HLCS: variants seen among roughly 807,000 people sequenced by gnomAD.
The protein encoded by HLCS is biotin--protein ligase.
Under a neutral mutation model 75.0 loss-of-function variants are expected in HLCS, and 53 were observed. The observed-to-expected ratio is 0.71, with a 90% confidence interval of 0.57 to 0.89. The LOEUF is 0.89. Among genes scored for constraint, HLCS ranks in the 40% least tolerant of loss-of-function variants. HLCS has a pLI of 0.00. For missense variants in HLCS, 966 were observed against 1,074.0 expected, an observed-to-expected ratio of 0.90 and a Z score of 1.41; for synonymous variants, 431 against 428.6, an observed-to-expected ratio of 1.01 and a Z score of -0.07.
chr21:36,772,641 A>G (rs2060242926), intron 6 of HLCS, among the ~76,000 whole-genome samples: 1 of 147,760 alleles, frequency 6.8e-6, no homozygotes, highest in African/African-American at 2.5e-5. Flanking sequence ...ACTGTCTCAA[A>G]AAAAAAAAAA....
chr21:36,916,326 G>A (rs972258019), intron 5 of HLCS, among the ~76,000 whole-genome samples: 10 of 151,860 alleles, frequency 6.6e-5, no homozygotes, highest in African/African-American at 1.7e-4. Flanking sequence ...CATAGCATCC[G>A]GCTGTAAGAT....
At chr21:36,822,413 GA>G (rs1399926403) in intron 6 of HLCS, among the ~76,000 whole-genome samples, 10 of 152,006 alleles carry the variant, frequency 6.6e-5, no homozygotes, top group Non-Finnish European at 1.5e-4. Context: ...CTGGGTGACG[GA>G]GCAAGACTCT....
At chr21:36,782,621 T>C (rs2145842745) in intron 6 of HLCS, among the ~76,000 whole-genome samples, 1 of 152,060 alleles carries the variant, frequency 6.6e-6, no homozygotes, top group Non-Finnish European at 1.5e-5. Context: ...TAGGGAGCAT[T>C]ACCGAACAGC....
chr21:36,774,909 T>G (rs1267020184), intron 6 of HLCS, among the ~76,000 whole-genome samples: 1 of 152,242 alleles, frequency 6.6e-6, no homozygotes, highest in African/African-American at 2.4e-5. Flanking sequence ...ACAGTTTTAT[T>G]GATATATTCT....
chr21:36,948,717 A>C (rs2067525699), intron 2 of HLCS, among the ~76,000 whole-genome samples: 1 of 105,996 alleles, frequency 9.4e-6, no homozygotes, highest in African/African-American at 3.7e-5. Context: ...TGACAGAATG[A>C]GACCCTGTCT....
At chr21:36,870,029 C>G (rs2063716397) in intron 6 of HLCS, among the ~76,000 whole-genome samples, 2 of 152,188 alleles carry the variant, frequency 1.3e-5, no homozygotes. Context: ...TGCAAAGAAT[C>G]TGAGAAGTTG....
chr21:36,918,451 T>C (rs941177677), intron 5 of HLCS, among the ~76,000 whole-genome samples: 1 of 152,244 alleles, frequency 6.6e-6, no homozygotes, highest in Non-Finnish European at 1.5e-5. Context: ...AGGTGCACTC[T>C]GTCCTCAGCT....
intron 2 of HLCS, among the ~76,000 whole-genome samples, chr21:36,959,594 G>C (rs543171634): frequency 2.6e-5 from 4 of 152,160 alleles, no homozygotes; most frequent in African/African-American, 9.7e-5. Flanking sequence ...TGAGAACTTA[G>C]AGTGCTTTTT....
chr21:36,841,233 T>C (rs893426513), intron 6 of HLCS, among the ~76,000 whole-genome samples: 1 of 152,230 alleles, frequency 6.6e-6, no homozygotes, highest in African/African-American at 2.4e-5. Context: ...GGGTCAAATA[T>C]GTTAACCAAG....
chr21:36,941,465 T>C lies in HLCS; in HGVS notation c.331-2471A>G, dbSNP rs559780384. Reference sequence around the variant, plus strand: ...GACCAAGAGAACAGAGCTGACAGTATAGAAATAAACAGATTCATGGACAAC... The same window carrying C: ...GACCAAGAGAACAGAGCTGACAGTACAGAAATAAACAGATTCATGGACAAC... On this transcript the variant is annotated intron_variant, in intron 2 of 10. Coordinates refer to ENST00000674895, the MANE Select transcript of HLCS (RefSeq NM_001352514.2). 7.9e-5 allele frequency among the ~76,000 whole-genome samples: 12 copies of C among 152,320 alleles called. No individual in the cohort carries two copies. The South Asian group carries it at 1.9e-3, about 24-fold the overall frequency.
intron 8 of HLCS, among the ~76,000 whole-genome samples, chr21:36,762,804 C>T (rs1002744629): frequency 1.3e-5 from 2 of 152,234 alleles, no homozygotes; most frequent in Non-Finnish European, 2.9e-5. Context: ...CTTCCCACTT[C>T]CATCCTGGCC....
Position 36,930,321 on chromosome 21 carries a change from G to A in HLCS, c.1550C>T (p.Thr517Ile), listed in dbSNP as rs575286749. 276 of 1,613,974 alleles carry A rather than the reference G, an allele frequency of 1.7e-4. No homozygotes were observed. The highest frequency in any genetic ancestry group is 2.1e-4 in the Non-Finnish European group (250 of 1,180,008). The change falls in exon 5 of 11, where the codon ACC becomes ATC. Residue 517 changes from threonine to isoleucine, a missense_variant. By Grantham distance (89) the Thr-to-Ile change is moderately conservative (BLOSUM62 -1). Coordinates refer to ENST00000674895, the MANE Select transcript of HLCS (RefSeq NM_001352514.2). Reference protein sequence around the residue: ...RYEVLREILTTLGLSCDMKQV... With the variant: ...RYEVLREILTILGLSCDMKQV... ...TTTCATGTCACAGCTGAGGCCAAGG[G>A]TTGTCAGAATCTCTCTAAGGACTTC...
intron 7 of HLCS, among the ~76,000 whole-genome samples, chr21:36,766,640 G>A (rs915777241): frequency 2.0e-5 from 3 of 152,186 alleles, no homozygotes; most frequent in African/African-American, 7.2e-5. Context: ...GCCCCGTGGA[G>A]CAGCCCCTGT....
At chr21:36,980,197 A>T (rs924538032) in intron 1 of HLCS, among the ~76,000 whole-genome samples, 14 of 55,406 alleles carry the variant, frequency 2.5e-4, no homozygotes, top group African/African-American at 6.5e-4. Flanking sequence ...GACTATATTT[A>T]AAAAAAAAAA....
intron 4 of HLCS, among the ~76,000 whole-genome samples, chr21:36,936,048 T>C (rs529417032): frequency 1.3e-5 from 2 of 152,344 alleles, no homozygotes; most frequent in Admixed American, 1.3e-4. Context: ...ACTACCCTGA[T>C]GGTTTCAACT....
At chr21:36,807,885 T>C (rs755331718) in intron 6 of HLCS, among the ~76,000 whole-genome samples, 15 of 152,150 alleles carry the variant, frequency 9.9e-5, no homozygotes, top group Admixed American at 1.3e-4. Context: ...TATGGGCACA[T>C]TGCACAACTG....
At chr21:36,958,824 A>G (rs1303452562) in intron 2 of HLCS, among the ~76,000 whole-genome samples, 1 of 152,236 alleles carries the variant, frequency 6.6e-6, no homozygotes, top group Non-Finnish European at 1.5e-5. Flanking sequence ...TCTGTCACTT[A>G]GCAATGATAT....
At position 36,966,513 on chromosome 21, in the gene HLCS, G is replaced by A. The variant is rs1344336859; in HGVS notation, c.126C>T (p.Ala42=). ...ACACGCGGGCGCCCGGGGGCTGCGC[G>A]GCCGCGCCGCAGAAGGTGAAGGAAC... is the stretch of plus-strand genomic sequence containing the variant. ...SRCSFTFCGA[A]AQPPGARVCL... is the part of the protein sequence containing the mutation. The change falls in exon 1 of 11, where the codon GCC becomes GCT. Residue 42 remains alanine (A), a synonymous_variant. Coordinates refer to ENST00000674895, the MANE Select transcript of HLCS (RefSeq NM_001352514.2). 3.0e-6 allele frequency: 3 copies of A among 985,994 alleles called. No individual in the cohort carries two copies. The highest frequency in any genetic ancestry group is 1.2e-6 in the Non-Finnish European group (1 of 831,558). The allele number at this position is 985,994 out of a possible 1,614,324, so 61.1% of individuals were successfully genotyped here. A position where few individuals can be genotyped will look rare whatever the true frequency, so the allele number is the denominator to read the frequency against.
chr21:36,986,786 A>G (rs1001710323), intron 1 of HLCS: 1 of 152,242 alleles, frequency 6.6e-6, no homozygotes, highest in African/African-American at 2.4e-5. Context: ...AGAATAAAAC[A>G]AAGAGTTCAA....
Sources: gnomAD v4.1 joint callset for allele counts (sites outside exome capture counted in the v4.1 genomes callset) on GRCh38, gnomAD v4.1.1 for gene constraint, MANE v1.5 for transcripts, NCBI Gene and HGNC (gene_info 2026-07-23, HGNC 2026-07-21) for gene names.